Variants in FOXP1 observed in about 807,000 individuals in gnomAD.
FOXP1 encodes forkhead box P1, also known as forkhead box protein P1.
Under a neutral mutation model 98.2 loss-of-function variants are expected in FOXP1, and 15 were observed. The observed-to-expected ratio is 0.15, with a 90% CI of 0.10 to 0.24. FOXP1 has a LOEUF of 0.24. FOXP1 is among the 10% of genes least tolerant of loss of function. FOXP1 has a pLI of 1.00. For synonymous variants in FOXP1, 371 were observed against 314.5 expected, an observed-to-expected ratio of 1.18 and a Z score of -1.90; for missense variants, 633 against 848.5, an observed-to-expected ratio of 0.75 and a Z score of 3.15.
chr3:71,241,056 A>C (rs2067235067), intron 5 of FOXP1, among the ~76,000 whole-genome samples: 1 of 151,142 alleles, frequency 6.6e-6, no homozygotes, highest in South Asian at 2.1e-4. Context: ...TAAAAATACA[A>C]AAAATTAGCC....
chr3:71,079,638 A>G lies in FOXP1; in HGVS notation c.283-25865T>C, dbSNP rs934684841. ...CTATTGTTACTATTTGACAATTAAG[A>G]AGACCTGTTCACGTCAGGGCTTATT... On this transcript the variant is annotated intron_variant, in intron 7 of 20. Transcript: ENST00000649528. Among the ~76,000 whole-genome samples the G allele has an allele frequency of 8.3e-4, 127 of 152,314 alleles. 2 individuals are homozygous for G. Among genetic ancestry groups the G allele is most frequent in the Non-Finnish European group, 2.2e-4 (15 of 68,044 alleles).
At chr3:71,275,041 G>C (rs145040522) in intron 5 of FOXP1, among the ~76,000 whole-genome samples, 178 of 152,246 alleles carry the variant, frequency 1.2e-3, no homozygotes, top group Admixed American at 3.7e-3. Flanking sequence ...CTTCCCAAAG[G>C]CATCCATTGT....
intron 4 of FOXP1, among the ~76,000 whole-genome samples, chr3:71,315,276 C>G (rs1361580853): frequency 1.3e-5 from 2 of 152,040 alleles, no homozygotes; most frequent in Non-Finnish European, 2.9e-5. Context: ...TCCAGCCACA[C>G]CAGGGCGCTT....
chr3:71,142,789 A>G (rs900390789), intron 6 of FOXP1, among the ~76,000 whole-genome samples: 1 of 152,264 alleles, frequency 6.6e-6, no homozygotes, highest in Non-Finnish European at 1.5e-5. Flanking sequence ...TCTGACCTAC[A>G]GAACTATGAG....
intron 10 of FOXP1, among the ~76,000 whole-genome samples, chr3:71,042,347 C>G (rs1271378109): frequency 1.3e-5 from 2 of 151,940 alleles, no homozygotes; most frequent in Admixed American, 6.6e-5. Flanking sequence ...CAGTATTTTC[C>G]CCCAAGAAGA....
chr3:71,019,975 G>C (rs1407733530), intron 11 of FOXP1, among the ~76,000 whole-genome samples: 1 of 152,130 alleles, frequency 6.6e-6, no homozygotes, highest in Admixed American at 6.6e-5. Context: ...ACATTCAACT[G>C]GTGTTGGCCT....
chr3:71,130,627 T>A (rs750515529), intron 6 of FOXP1: 1 of 1,598,280 alleles, frequency 6.3e-7, no homozygotes, highest in South Asian at 1.1e-5. Context: ...GATGTTTGAA[T>A]AAACAGGAAG....
intron 4 of FOXP1, among the ~76,000 whole-genome samples, chr3:71,309,752 C>T (rs1028424343): frequency 6.6e-6 from 1 of 152,008 alleles, no homozygotes; most frequent in East Asian, 1.9e-4. Flanking sequence ...ATTTTGTTGT[C>T]GTTATCTGTT....
intron 11 of FOXP1, among the ~76,000 whole-genome samples, chr3:71,018,121 G>T (rs1489141068): frequency 6.6e-6 from 1 of 152,124 alleles, no homozygotes; most frequent in Non-Finnish European, 1.5e-5. Context: ...CAGGGTTTTG[G>T]ACTCGAAATG....
chr3:71,165,576 G>C (rs545406872), intron 6 of FOXP1, among the ~76,000 whole-genome samples: 5 of 152,204 alleles, frequency 3.3e-5, no homozygotes, highest in African/African-American at 9.6e-5. Context: ...AAATTTCTTC[G>C]AAGACAGAAG....
At chr3:71,115,737 CTTT>C (rs5849989) in intron 6 of FOXP1, among the ~76,000 whole-genome samples, 49 of 116,052 alleles carry the variant, frequency 4.2e-4, no homozygotes, top group Non-Finnish European at 2.7e-4. Context: ...CAAAACTATT[CTTT>C]TTTTTTTTTT....
intron 3 of FOXP1, among the ~76,000 whole-genome samples, chr3:71,461,362 C>T (rs2088081661): frequency 6.6e-6 from 1 of 152,084 alleles, no homozygotes; most frequent in African/African-American, 2.4e-5. Flanking sequence ...TACCCAGAAA[C>T]GAGTGTTCAA....
At chr3:71,127,422 G>A (rs988123080) in intron 6 of FOXP1, among the ~76,000 whole-genome samples, 6 of 152,144 alleles carry the variant, frequency 3.9e-5, no homozygotes, top group African/African-American at 1.4e-4. Flanking sequence ...ACAAAAATCA[G>A]AAGTTTCAGC....
At chr3:71,004,369 T>C (rs186762193) in intron 12 of FOXP1, among the ~76,000 whole-genome samples, 36 of 152,302 alleles carry the variant, frequency 2.4e-4, no homozygotes, top group Non-Finnish European at 4.6e-4. Context: ...GCTAGAAATG[T>C]AATATGAAAT....
intron 2 of FOXP1, among the ~76,000 whole-genome samples, chr3:71,559,174 A>G (rs1390187358): frequency 6.6e-6 from 1 of 152,158 alleles, no homozygotes; most frequent in African/African-American, 2.4e-5. Context: ...CTCCAGTGCA[A>G]TGACAGGAAT....
intron 7 of FOXP1, chr3:71,064,897 C>T: frequency 1.3e-6 from 1 of 764,542 alleles, no homozygotes. Context: ...GCGTGGGGTC[C>T]GGCGGCCTCG....
chr3:71,426,784 C>T (rs546494562), intron 3 of FOXP1, among the ~76,000 whole-genome samples: 9 of 152,236 alleles, frequency 5.9e-5, no homozygotes, highest in Admixed American at 2.6e-4. Context: ...CAGATGCAGC[C>T]AGGCGCGGTG....
At chr3:71,337,788 T>C (rs1284880652) in intron 4 of FOXP1, among the ~76,000 whole-genome samples, 2 of 152,252 alleles carry the variant, frequency 1.3e-5, no homozygotes, top group Non-Finnish European at 2.9e-5. Context: ...TTCTCCATTA[T>C]GGATTGATAA....
chr3:71,277,193 C>T (rs1474271914), intron 5 of FOXP1, among the ~76,000 whole-genome samples: 1 of 151,218 alleles, frequency 6.6e-6, no homozygotes, highest in Non-Finnish European at 1.5e-5. Flanking sequence ...CTCCTGACCT[C>T]GTGATCTGCC....
Sources: allele counts gnomAD v4.1 joint callset (sites outside exome capture counted in the v4.1 genomes callset), GRCh38; gene constraint gnomAD v4.1.1; transcripts MANE v1.5; gene names NCBI Gene and HGNC (gene_info 2026-07-23, HGNC 2026-07-21).